SCAMP1: variants seen among roughly 807,000 people sequenced by gnomAD.
The protein encoded by SCAMP1 is secretory carrier-associated membrane protein 1.
In SCAMP1, 15 loss-of-function variants were observed where a neutral mutation model predicts 41.8. The observed-to-expected ratio is 0.36, with a 90% confidence interval of 0.24 to 0.55. The LOEUF is 0.55. Ranked by LOEUF, SCAMP1 falls within the 20% of genes least tolerant of loss-of-function variation. The pLI, the probability that SCAMP1 is intolerant of heterozygous loss-of-function variation, is 0.86. For synonymous variants in SCAMP1, 135 were observed against 136.8 expected, an observed-to-expected ratio of 0.99 and a Z score of 0.09; for missense variants, 341 against 412.6, an observed-to-expected ratio of 0.83 and a Z score of 1.50.
intron 1 of SCAMP1, among the ~76,000 whole-genome samples, chr5:78,384,777 CA>C (rs1239604822): frequency 2.6e-5 from 4 of 152,076 alleles, no homozygotes; most frequent in African/African-American, 9.7e-5. Context: ...GATGTTAAGC[CA>C]TGCCTGCATC....
At chr5:78,474,980 G>T (rs1343179875) in intron 8 of SCAMP1, among the ~76,000 whole-genome samples, 1 of 152,094 alleles carries the variant, frequency 6.6e-6, no homozygotes, top group Non-Finnish European at 1.5e-5. Context: ...AAGTTAAATT[G>T]TATACAGAGT....
chr5:78,416,094 C>T (rs1295569163), intron 3 of SCAMP1, among the ~76,000 whole-genome samples: 1 of 152,140 alleles, frequency 6.6e-6, no homozygotes, highest in Non-Finnish European at 1.5e-5. Flanking sequence ...TCTCCTATAA[C>T]ATTTAAGATA....
intron 6 of SCAMP1, among the ~76,000 whole-genome samples, chr5:78,429,349 T>TTG (rs1309890910): frequency 5.1e-5 from 3 of 58,980 alleles, no homozygotes; most frequent in African/African-American, 3.1e-4. Flanking sequence ...GAGTTGGTTT[T>TTG]TTTTTTTTTT....
chr5:78,399,032 T>G (rs1296995592), intron 2 of SCAMP1, among the ~76,000 whole-genome samples: 1 of 152,234 alleles, frequency 6.6e-6, no homozygotes, highest in Non-Finnish European at 1.5e-5. Flanking sequence ...TCCATAGTTT[T>G]GCCTTTTCTA....
intron 6 of SCAMP1, among the ~76,000 whole-genome samples, chr5:78,436,797 G>A (rs149341560): frequency 0.016 from 2,461 of 152,122 alleles, 63 homozygotes; most frequent in African/African-American, 0.057. Flanking sequence ...GGCATTGAAT[G>A]TATAAATTAC....
intron 6 of SCAMP1, among the ~76,000 whole-genome samples, chr5:78,427,508 T>A (rs1301905805): frequency 6.6e-6 from 1 of 152,182 alleles, no homozygotes; most frequent in Non-Finnish European, 1.5e-5. Context: ...ATATATTCAT[T>A]TCTCTTGAAT....
At chr5:78,461,592 TGCTCTGAC>T (rs1753615624) in intron 8 of SCAMP1, among the ~76,000 whole-genome samples, 1 of 152,044 alleles carries the variant, frequency 6.6e-6, no homozygotes, top group Non-Finnish European at 1.5e-5. Flanking sequence ...GACAGAATCT[TGCTCTGAC>T]GCCCAGGCTG....
At chr5:78,469,890 TAAA>T (rs141989832) in intron 8 of SCAMP1, among the ~76,000 whole-genome samples, 4 of 15,024 alleles carry the variant, frequency 2.7e-4, no homozygotes, top group South Asian at 5.4e-3. Context: ...TACAAGACAT[TAAA>T]AAAAAAAAAA....
intron 6 of SCAMP1, among the ~76,000 whole-genome samples, chr5:78,428,434 A>G (rs1012291428): frequency 2.0e-5 from 3 of 152,166 alleles, no homozygotes; most frequent in Admixed American, 6.5e-5. Flanking sequence ...TCCATTGACC[A>G]GTGATGTAGG....
intron 8 of SCAMP1, among the ~76,000 whole-genome samples, chr5:78,463,044 T>C (rs1580717379): frequency 6.6e-6 from 1 of 152,246 alleles, no homozygotes; most frequent in Non-Finnish European, 1.5e-5. Flanking sequence ...TTCAGTACTT[T>C]ACTCAGACAT....
intron 6 of SCAMP1, among the ~76,000 whole-genome samples, chr5:78,447,464 T>C (rs560649788): frequency 6.6e-6 from 1 of 152,232 alleles, no homozygotes; most frequent in East Asian, 1.9e-4. Flanking sequence ...ATAGACAGAC[T>C]ACTAATTTTG....
At chr5:78,424,866 A>G (rs184518883) in intron 6 of SCAMP1, among the ~76,000 whole-genome samples, 1 of 152,376 alleles carries the variant, frequency 6.6e-6, no homozygotes, top group East Asian at 1.9e-4. Flanking sequence ...TTGAGTAACT[A>G]TTAGAAACAG....
chr5:78,471,862 C>CT (rs202030817), intron 8 of SCAMP1, among the ~76,000 whole-genome samples: 1,577 of 152,138 alleles, frequency 0.01, 18 homozygotes, highest in African/African-American at 0.031. Context: ...AACAAATATT[C>CT]TTTTTTTATG....
At chr5:78,458,706 C>G (rs1340653191) in intron 7 of SCAMP1, among the ~76,000 whole-genome samples, 1 of 152,068 alleles carries the variant, frequency 6.6e-6, no homozygotes, top group African/African-American at 2.4e-5. Flanking sequence ...ATGGTGAAAC[C>G]CCGTCTCTAC....
intron 7 of SCAMP1, among the ~76,000 whole-genome samples, chr5:78,458,560 A>G (rs1753494953): frequency 6.6e-6 from 1 of 152,172 alleles, no homozygotes. Context: ...TTCTTTCATA[A>G]TTCAGCAGAA....
At chr5:78,430,235 CAGTA>C (rs1411815485) in intron 6 of SCAMP1, among the ~76,000 whole-genome samples, 1 of 123,352 alleles carries the variant, frequency 8.1e-6, no homozygotes, top group African/African-American at 3.0e-5. Flanking sequence ...TTTATAAATA[CAGTA>C]TTTATTTATA....
chr5:78,399,963 T>G (rs1042452178), intron 2 of SCAMP1, among the ~76,000 whole-genome samples: 2 of 152,188 alleles, frequency 1.3e-5, no homozygotes, highest in African/African-American at 2.4e-5. Flanking sequence ...AATATTTGTT[T>G]GTTTATTTTA....
chr5:78,433,035 C>T (rs1014169158), intron 6 of SCAMP1, among the ~76,000 whole-genome samples: 2 of 152,194 alleles, frequency 1.3e-5, no homozygotes, highest in South Asian at 2.1e-4. Context: ...CAAAGGTACT[C>T]TTCATCTCTG....
intron 4 of SCAMP1, 133 bp from the exon 5 acceptor site, chr5:78,418,642 A>G (rs1369885322): frequency 1.6e-6 from 1 of 625,612 alleles, no homozygotes; most frequent in Non-Finnish European, 2.7e-6. Context: ...TTCTAGGAAT[A>G]CAAAGATATA....
Sources: gnomAD v4.1 joint callset for allele counts (sites outside exome capture counted in the v4.1 genomes callset) on GRCh38, gnomAD v4.1.1 for gene constraint, MANE v1.5 for transcripts, NCBI Gene and HGNC (gene_info 2026-07-23, HGNC 2026-07-21) for gene names.